ULK4: variants seen among roughly 807,000 people sequenced by gnomAD.
ULK4 encodes the protein inactive serine/threonine-protein kinase ULK4.
In ULK4, 133 loss-of-function variants were observed where a neutral mutation model predicts 160.6. That is an observed-to-expected ratio of 0.83 (90% confidence interval 0.72 to 0.96). ULK4 has a LOEUF of 0.96. Ranked by LOEUF, ULK4 falls within the 40% of genes least tolerant of loss-of-function variation. ULK4 has a pLI of 0.00. For missense variants in ULK4, 1,580 were observed against 1,499.5 expected (o/e 1.05, Z -0.89); for synonymous variants, 534 against 539.8 (o/e 0.99, Z 0.15).
At chr3:41,849,919 C>G (rs1333133719) in intron 17 of ULK4, among the ~76,000 whole-genome samples, 1 of 152,100 alleles carries the variant, frequency 6.6e-6, no homozygotes, top group Non-Finnish European at 1.5e-5. Flanking sequence ...CCCATTAACT[C>G]GTCATTTACA....
chr3:41,811,711 G>A (rs536357304), intron 19 of ULK4, among the ~76,000 whole-genome samples: 39 of 152,130 alleles, frequency 2.6e-4, no homozygotes, highest in Non-Finnish European at 4.7e-4. Context: ...AACACATTGG[G>A]TTAAACAAAC....
intron 17 of ULK4, among the ~76,000 whole-genome samples, chr3:41,880,040 A>G (rs988762466): frequency 6.6e-6 from 1 of 152,122 alleles, no homozygotes; most frequent in African/African-American, 2.4e-5. Flanking sequence ...GAATCGTTTG[A>G]ACCTGGGTGA....
At chr3:41,643,732 G>C (rs1290136111) in intron 30 of ULK4, among the ~76,000 whole-genome samples, 2 of 152,172 alleles carry the variant, frequency 1.3e-5, no homozygotes, top group Non-Finnish European at 2.9e-5. Flanking sequence ...TGTGAAGAAA[G>C]TCATTGGTAG....
chr3:41,263,911 G>A (rs1164151172), intron 35 of ULK4, among the ~76,000 whole-genome samples: 1 of 152,234 alleles, frequency 6.6e-6, no homozygotes, highest in African/African-American at 2.4e-5. Flanking sequence ...ATAGCAGGGG[G>A]TGCCGGGTGT....
chr3:41,783,220 A>G (rs896704807), intron 21 of ULK4, among the ~76,000 whole-genome samples: 6 of 152,058 alleles, frequency 3.9e-5, no homozygotes, highest in African/African-American at 1.2e-4. Flanking sequence ...ACATATTCTG[A>G]ATTTTCTTTT....
At chr3:41,334,852 AG>A (rs201082007) in intron 35 of ULK4, among the ~76,000 whole-genome samples, 4,727 of 152,366 alleles carry the variant, frequency 0.031, 95 homozygotes, top group Middle Eastern at 0.054. Flanking sequence ...CATCCTTTGA[AG>A]AAGTAGAGAT....
intron 35 of ULK4, among the ~76,000 whole-genome samples, chr3:41,259,203 A>T (rs1219193363): frequency 7.9e-5 from 12 of 152,156 alleles, no homozygotes; most frequent in Middle Eastern, 3.4e-3. Context: ...TTAACATGGC[A>T]CTGTGTCAAT....
At chr3:41,935,221 T>A (rs144179954) in intron 4 of ULK4, among the ~76,000 whole-genome samples, 14 of 3,734 alleles carry the variant, frequency 3.7e-3, no homozygotes, top group African/African-American at 4.2e-3. Flanking sequence ...TTTTTTTTTT[T>A]TTTTTTTTTT....
At chr3:41,289,841 ATGTATG>A (rs2079525949) in intron 35 of ULK4, among the ~76,000 whole-genome samples, 1 of 151,408 alleles carries the variant, frequency 6.6e-6, no homozygotes, top group Non-Finnish European at 1.5e-5. Flanking sequence ...GTATGTATGT[ATGTATG>A]TATGTATGTA....
intron 29 of ULK4, among the ~76,000 whole-genome samples, chr3:41,665,738 A>T (rs1343549958): frequency 6.6e-6 from 1 of 152,216 alleles, no homozygotes; most frequent in Non-Finnish European, 1.5e-5. Flanking sequence ...GATAAAATCT[A>T]ACGTCTACTT....
chr3:41,473,065 TAA>T (rs2084034477), intron 32 of ULK4, among the ~76,000 whole-genome samples: 1 of 152,122 alleles, frequency 6.6e-6, no homozygotes, highest in Non-Finnish European at 1.5e-5. Flanking sequence ...TTTTCATGAT[TAA>T]AAACTCTCAA....
chr3:41,474,800 A>G (rs560430671), intron 32 of ULK4, among the ~76,000 whole-genome samples: 1 of 142,220 alleles, frequency 7.0e-6, no homozygotes, highest in South Asian at 2.4e-4. Flanking sequence ...ATCACCTTAC[A>G]TCTGTCAGAA....
Position 41,835,912 on chromosome 3 carries a change from C to G in ULK4, c.1716G>C (p.Gln572His). The change falls in exon 18 of 37, where the codon CAG (glutamine) becomes CAC (histidine). Residue 572 changes from glutamine to histidine, a missense_variant. Transcript: ENST00000301831. ...RENFRNSKLK[Q>H]CLLPTLGELI... The stretch of plus-strand genomic sequence containing the variant: ...GCTCCCCAAGGGTTGGTAAAAGGCA[C>G]TGTTTTAATTTGCTGTTCCTGAAGT... 6.2e-7 allele frequency: 1 copy of G among 1,612,504 alleles called. No homozygotes were observed. Among genetic ancestry groups the G allele is most frequent in the South Asian group, 1.1e-5 (1 of 90,972 alleles).
intron 17 of ULK4, among the ~76,000 whole-genome samples, chr3:41,881,846 A>T (rs1459810090): frequency 6.6e-6 from 1 of 152,228 alleles, no homozygotes; most frequent in Non-Finnish European, 1.5e-5. Flanking sequence ...AGGCAGCACC[A>T]GGAATACAAT....
At chr3:41,783,942 A>T (rs1290596711) in intron 21 of ULK4, among the ~76,000 whole-genome samples, 1 of 152,172 alleles carries the variant, frequency 6.6e-6, no homozygotes, top group African/African-American at 2.4e-5. Flanking sequence ...AAACTAGAAA[A>T]ATAAAAGAGT....
At chr3:41,645,720 G>A (rs1413472778) in intron 30 of ULK4, among the ~76,000 whole-genome samples, 1 of 151,822 alleles carries the variant, frequency 6.6e-6, no homozygotes, top group South Asian at 2.1e-4. Context: ...GCTTGGTGCA[G>A]AGCTGAGTTC....
intron 5 of ULK4, among the ~76,000 whole-genome samples, chr3:41,926,163 A>G (rs959387971): frequency 6.6e-6 from 1 of 152,218 alleles, no homozygotes; most frequent in Non-Finnish European, 1.5e-5. Flanking sequence ...AATAGGCAGC[A>G]ATATGGGCTG....
intron 35 of ULK4, among the ~76,000 whole-genome samples, chr3:41,279,704 A>C (rs1431273892): frequency 1.3e-5 from 2 of 152,242 alleles, no homozygotes; most frequent in African/African-American, 4.8e-5. Context: ...ATATCCAGCC[A>C]AACTAAGCTT....
chr3:41,465,111 G>T (rs1226673419), intron 32 of ULK4, among the ~76,000 whole-genome samples: 4 of 152,120 alleles, frequency 2.6e-5, no homozygotes, highest in African/African-American at 9.7e-5. Context: ...CAGTGATAAC[G>T]CCAGCAAAAC....
Sources: allele counts gnomAD v4.1 joint callset (sites outside exome capture counted in the v4.1 genomes callset), GRCh38; gene constraint gnomAD v4.1.1; transcripts MANE v1.5; gene names NCBI Gene and HGNC (gene_info 2026-07-23, HGNC 2026-07-21).